GRB10: variants seen among roughly 807,000 people sequenced by gnomAD.
The protein encoded by GRB10 is growth factor receptor bound protein 10, also known as growth factor receptor-bound protein 10.
In GRB10, 20 loss-of-function variants were observed where a neutral mutation model predicts 80.9. The ratio of observed to expected loss-of-function variants is 0.25; its 90% CI spans 0.17 to 0.36. The LOEUF (loss-of-function observed/expected upper bound fraction) is 0.36, where lower values mean the gene tolerates loss of function less well. GRB10 is among the 10% of genes least tolerant of loss of function. GRB10 has a pLI of 1.00. For synonymous variants in GRB10, 291 were observed against 291.5 expected (o/e 1.00, Z 0.02); for missense variants, 548 against 747.7 (o/e 0.73, Z 3.12).
chr7:50,595,347 C>A, intron 18 of GRB10, 90 bp downstream of exon 18: 1 of 787,042 alleles, frequency 1.3e-6, no homozygotes, highest in Non-Finnish European at 2.3e-6. Flanking sequence ...TGATACTTAC[C>A]GGTCTTGTCG....
chr7:50,594,442 C>T (rs2046290716), intron 18 of GRB10, among the ~76,000 whole-genome samples: 1 of 152,202 alleles, frequency 6.6e-6, no homozygotes, highest in Non-Finnish European at 1.5e-5. Context: ...GTCAGATAAG[C>T]CTGAAGAACT....
intron 12 of GRB10, among the ~76,000 whole-genome samples, chr7:50,614,153 G>A (rs568402273): frequency 7.9e-5 from 12 of 152,212 alleles, no homozygotes; most frequent in Admixed American, 2.6e-4. Flanking sequence ...ATGTGTATGT[G>A]TGTCTATGTA....
intron 7 of GRB10, among the ~76,000 whole-genome samples, chr7:50,632,631 G>A (rs2054220384): frequency 6.6e-6 from 1 of 152,236 alleles, no homozygotes; most frequent in South Asian, 2.1e-4. Context: ...CTGAGTACCA[G>A]GAGCTCAGGG....
chr7:50,666,309 T>C (rs2059791519), intron 7 of GRB10, among the ~76,000 whole-genome samples: 1 of 152,170 alleles, frequency 6.6e-6, no homozygotes. Flanking sequence ...CGGCCCGTTG[T>C]AGGGGCTCAA....
chr7:50,641,712 G>A (rs1430910401), intron 7 of GRB10, among the ~76,000 whole-genome samples: 2 of 152,206 alleles, frequency 1.3e-5, no homozygotes, highest in African/African-American at 4.8e-5. Flanking sequence ...GTGGGCAGCT[G>A]CAGGGCCACA....
intron 7 of GRB10, among the ~76,000 whole-genome samples, chr7:50,645,196 C>T (rs1425658170): frequency 6.6e-6 from 1 of 152,210 alleles, no homozygotes; most frequent in African/African-American, 2.4e-5. Flanking sequence ...AATCTTTATA[C>T]TGCCCATAAT....
chr7:50,620,053 G>C (rs138108210), intron 8 of GRB10, among the ~76,000 whole-genome samples: 317 of 152,338 alleles, frequency 2.1e-3, no homozygotes, highest in Non-Finnish European at 4.0e-3. Flanking sequence ...GGAGCGGGAA[G>C]AACTCAGCAT....
chr7:50,780,873 T>C (rs2153713382), intron 1 of GRB10, 137 bp from the exon 2 acceptor site: 1 of 152,286 alleles, frequency 6.6e-6, no homozygotes, highest in East Asian at 1.9e-4. Context: ...GTGGCCTAAA[T>C]ATGCAAATTT....
intron 4 of GRB10, among the ~76,000 whole-genome samples, chr7:50,723,699 T>C (rs965476645): frequency 2.0e-5 from 3 of 152,210 alleles, no homozygotes; most frequent in African/African-American, 7.2e-5. Flanking sequence ...TTCATAACAG[T>C]GCAGGTATAA....
chr7:50,749,293 T>A (rs1271529295), intron 3 of GRB10, among the ~76,000 whole-genome samples: 1 of 152,012 alleles, frequency 6.6e-6, no homozygotes, highest in Non-Finnish European at 1.5e-5. Context: ...CATGCCCAGC[T>A]AATTTTTGTA....
At chr7:50,773,140 A>G (rs2077146835) in intron 2 of GRB10, among the ~76,000 whole-genome samples, 1 of 152,112 alleles carries the variant, frequency 6.6e-6, no homozygotes, top group African/African-American at 2.4e-5. Flanking sequence ...ACTCCCCTTT[A>G]TAAAACCATC....
chr7:50,657,581 C>A (rs1404621395), intron 7 of GRB10, among the ~76,000 whole-genome samples: 2 of 152,162 alleles, frequency 1.3e-5, no homozygotes, highest in African/African-American at 4.8e-5. Context: ...ATAAATAGGG[C>A]TAGAAACTAC....
At chr7:50,596,902 C>A (rs962077879) in intron 17 of GRB10, among the ~76,000 whole-genome samples, 8 of 152,072 alleles carry the variant, frequency 5.3e-5, no homozygotes. Context: ...ATGAGAAAAT[C>A]TGGAGTTAGC....
At chr7:50,614,979 C>T (rs2050296328) in intron 11 of GRB10, 99 bp from the exon 12 acceptor site, 2 of 783,724 alleles carry the variant, frequency 2.6e-6, no homozygotes, top group East Asian at 2.5e-5. Context: ...CTTACAAGCA[C>T]TTTCCCCGAT....
chr7:50,695,162 G>C (rs939094949), intron 5 of GRB10, among the ~76,000 whole-genome samples: 1 of 152,102 alleles, frequency 6.6e-6, no homozygotes, highest in Non-Finnish European at 1.5e-5. Flanking sequence ...AAATATTCTT[G>C]GGAAATAAAT....
chr7:50,633,957 A>C (rs1051573590), intron 7 of GRB10, among the ~76,000 whole-genome samples: 1 of 152,250 alleles, frequency 6.6e-6, no homozygotes, highest in Non-Finnish European at 1.5e-5. Flanking sequence ...TAAGTTTGGA[A>C]ACATATTTAA....
chr7:50,778,584 A>C (rs2077946813), intron 2 of GRB10, among the ~76,000 whole-genome samples: 1 of 152,232 alleles, frequency 6.6e-6, no homozygotes, highest in Non-Finnish European at 1.5e-5. Flanking sequence ...GCAAGACAAA[A>C]GCTGCTTTAA....
chr7:50,771,006 C>T (rs1197453162), intron 2 of GRB10, among the ~76,000 whole-genome samples: 1 of 151,946 alleles, frequency 6.6e-6, no homozygotes, highest in Non-Finnish European at 1.5e-5. Context: ...CTCAGCCCTG[C>T]CCAGCACCCA....
At chr7:50,790,306 T>C (rs1442061018) in intron 1 of GRB10, among the ~76,000 whole-genome samples, 1 of 152,194 alleles carries the variant, frequency 6.6e-6, no homozygotes, top group Non-Finnish European at 1.5e-5. Flanking sequence ...ACCCACCAAG[T>C]AGTTGGACGA....
Sources: allele counts gnomAD v4.1 joint callset (sites outside exome capture counted in the v4.1 genomes callset), GRCh38; gene constraint gnomAD v4.1.1; transcripts MANE v1.5; gene names NCBI Gene and HGNC (gene_info 2026-07-23, HGNC 2026-07-21).